ATP13A4: variants seen among roughly 807,000 people sequenced by gnomAD.
The protein encoded by ATP13A4 is ATPase 13A4.
ATP13A4 carries 114 observed loss-of-function variants against 142.5 expected under a neutral mutation model. That is an observed-to-expected ratio of 0.80 (90% CI 0.69 to 0.93). The LOEUF (loss-of-function observed/expected upper bound fraction) is 0.93. Among genes scored for constraint, ATP13A4 ranks in the 40% least tolerant of loss-of-function variants. ATP13A4 has a pLI of 0.00. For missense variants in ATP13A4, 1,392 were observed against 1,454.0 expected (o/e 0.96, Z 0.69); for synonymous variants, 488 against 514.8 (o/e 0.95, Z 0.70).
intron 2 of ATP13A4, among the ~76,000 whole-genome samples, chr3:193,575,186 C>A (rs1449979212): frequency 6.6e-6 from 1 of 152,118 alleles, no homozygotes; most frequent in East Asian, 1.9e-4. Flanking sequence ...GTTAGTCATG[C>A]AGCAATAGAT....
At chr3:193,582,051 C>A (rs2108746817) in intron 1 of ATP13A4, 1 of 149,084 alleles carries the variant, frequency 6.7e-6, no homozygotes, top group South Asian at 2.1e-4. Flanking sequence ...TGCAGATTTT[C>A]TAATTAATTA....
chr3:193,548,019 A>C (rs1371936912), intron 1 of ATP13A4, among the ~76,000 whole-genome samples: 1 of 152,202 alleles, frequency 6.6e-6, no homozygotes, highest in Non-Finnish European at 1.5e-5. Context: ...TGTTGGGTTT[A>C]TACATGAATG....
intron 2 of ATP13A4, among the ~76,000 whole-genome samples, chr3:193,507,914 T>C (rs1223945147): frequency 6.6e-6 from 1 of 152,214 alleles, no homozygotes; most frequent in Non-Finnish European, 1.5e-5. Flanking sequence ...CTGCCTGTTA[T>C]GAATTGAGTT....
intron 1 of ATP13A4, among the ~76,000 whole-genome samples, chr3:193,543,097 G>A (rs982373601): frequency 9.3e-5 from 14 of 150,010 alleles, no homozygotes; most frequent in Non-Finnish European, 2.1e-4. Context: ...GAACCCAGGA[G>A]GCGGAGCTTG....
At position 193,554,844 on chromosome 3, in the gene ATP13A4, G is replaced by A. The variant is rs375957929; in HGVS notation, c.-45C>T. On this transcript the variant is annotated 5_prime_UTR_variant, in exon 1 of 30. Coordinates refer to ENST00000342695, the MANE Select transcript of ATP13A4 (RefSeq NM_032279.4). ...TCCTCCCTGACCTTGTCGTGCAGAC[G>A]CTTCCAGGATGAACTCCAACTCGCC... The A allele has an allele frequency of 3.4e-3, 5,533 of 1,613,548 alleles. 19 individuals carry two copies. The highest frequency in any genetic ancestry group is 4.4e-3 in the Non-Finnish European group (5,147 of 1,179,990).
Position 193,514,864 on chromosome 3 carries a change from A to G in ATP13A4, c.68T>C (p.Phe23Ser). Residue 23 changes from phenylalanine to serine, a missense_variant, in exon 2 of 30, where the codon TTT becomes TCT. Transcript: ENST00000342695. ...CCGGCAGCCTTGAGTCCGATAGCCA[A>G]ATATCTCCTGGGACAGAATCAAAAT... is the stretch of plus-strand genomic sequence containing the variant. ...NEGEENEMEI[F>S]GYRTQGCRKS... 1 of 1,614,112 alleles carries G rather than the reference A, an allele frequency of 6.2e-7. No homozygotes were observed. The highest frequency in any genetic ancestry group is 8.5e-7 in the Non-Finnish European group (1 of 1,179,948).
intron 1 of ATP13A4, among the ~76,000 whole-genome samples, chr3:193,550,364 T>C (rs1723482697): frequency 6.7e-6 from 1 of 150,214 alleles, no homozygotes; most frequent in Non-Finnish European, 1.5e-5. Flanking sequence ...TGGAGTGCAC[T>C]GATATGATCT....
chr3:193,459,906 C>T (rs916916612), intron 13 of ATP13A4, among the ~76,000 whole-genome samples: 6 of 152,224 alleles, frequency 3.9e-5, no homozygotes, highest in African/African-American at 1.2e-4. Context: ...TTCACTAATT[C>T]AGAGTGGAGG....
At chr3:193,511,642 C>T (rs1172177670) in intron 2 of ATP13A4, among the ~76,000 whole-genome samples, 1 of 152,176 alleles carries the variant, frequency 6.6e-6, no homozygotes, top group African/African-American at 2.4e-5. Context: ...TTGCAAATGC[C>T]TTTTACATAG....
At chr3:193,496,362 A>G (rs1214562867) in intron 3 of ATP13A4, among the ~76,000 whole-genome samples, 1 of 152,362 alleles carries the variant, frequency 6.6e-6, no homozygotes, top group East Asian at 1.9e-4. Context: ...TGGTGCTGGC[A>G]GAGAAATAGA....
At chr3:193,463,424 T>TAAA (rs11336311) in intron 12 of ATP13A4, among the ~76,000 whole-genome samples, 16 of 95,980 alleles carry the variant, frequency 1.7e-4, no homozygotes, top group South Asian at 3.5e-4. Context: ...TGCTATTTGG[T>TAAA]AAAAAAAAAA....
intron 9 of ATP13A4, 140 bp downstream of exon 9, chr3:193,470,719 G>A: frequency 5.9e-6 from 7 of 1,191,306 alleles, no homozygotes; most frequent in African/African-American, 1.5e-5. Flanking sequence ...TAAGATTTGT[G>A]GCAACGGGAA....
rs1207289368 is a variant in ATP13A4 at position 193,573,283 on chromosome 3, A to AACG, written n.291+8423_291+8424insCGT. On this transcript the variant is annotated intron_variant and non_coding_transcript_variant, in intron 2 of 3. Transcript: ENST00000489140. ...GCCATATATATATATATACATATATATATATACACATATATATATATATAC... is the reference window on the plus strand; with the variant it reads ...GCCATATATATATATATACATATATAACGTATATACACATATATATATATATAC... Among the ~76,000 whole-genome samples the AACG allele has an allele frequency of 6.1e-3, 579 of 95,520 alleles. 47 individuals carry two copies. Among genetic ancestry groups the AACG allele is most frequent in the African/African-American group, 0.027 (556 of 20,316 alleles). The allele number at this position is 95,520 out of a possible 152,430, so 62.7% of individuals were successfully genotyped here. A position where few individuals can be genotyped will look rare whatever the true frequency, so the allele number is the denominator to read the frequency against.
chr3:193,401,774 G>A lies in ATP13A4; in HGVS notation c.*878C>T, dbSNP rs1310263523. Among the ~76,000 whole-genome samples, 1 of 152,206 alleles carries A rather than the reference G, an allele frequency of 6.6e-6. No individual in the cohort carries two copies. The highest frequency in any genetic ancestry group is 2.4e-5 in the African/African-American group (1 of 41,438). ...GGACCTTCTAAGCATGGGGCCCTGT[G>A]TAGTGACAGCTCATAAGCCCATGAA... On this transcript the variant is annotated 3_prime_UTR_variant, in exon 30 of 30. Coordinates refer to ENST00000342695, the MANE Select transcript of ATP13A4 (RefSeq NM_032279.4).
intron 7 of ATP13A4, among the ~76,000 whole-genome samples, chr3:193,484,413 T>A (rs951531223): frequency 6.6e-6 from 1 of 152,054 alleles, no homozygotes; most frequent in Non-Finnish European, 1.5e-5. Context: ...ATACATGAAA[T>A]ATGTGGGATA....
chr3:193,413,446 G>A (rs1714882343), intron 26 of ATP13A4, among the ~76,000 whole-genome samples: 1 of 152,186 alleles, frequency 6.6e-6, no homozygotes, highest in Non-Finnish European at 1.5e-5. Context: ...ACAACCATAA[G>A]GGCTGACTGC....
At position 193,554,846 on chromosome 3, in the gene ATP13A4, T is replaced by C. The variant is rs1460001452; in HGVS notation, c.-47A>G. ...CTCCCTGACCTTGTCGTGCAGACGC[T>C]TCCAGGATGAACTCCAACTCGCCGA... is the stretch of plus-strand genomic sequence containing the variant. On this transcript the variant is annotated 5_prime_UTR_variant, in exon 1 of 30. Transcript: ENST00000342695. 4 of 1,613,734 alleles carry C rather than the reference T, an allele frequency of 2.5e-6. No individual in the cohort carries two copies. The highest frequency in any genetic ancestry group is 1.7e-4 in the Middle Eastern group (1 of 5,770).
At chr3:193,465,267 A>C in intron 11 of ATP13A4, 139 bp from the exon 12 acceptor site, 1 of 854,904 alleles carries the variant, frequency 1.2e-6, no homozygotes, top group Non-Finnish European at 1.8e-6. Context: ...AGCTCATTGC[A>C]ACCTCCACCT....
At chr3:193,435,127 G>A (rs890280105) in intron 24 of ATP13A4, among the ~76,000 whole-genome samples, 1 of 152,176 alleles carries the variant, frequency 6.6e-6, no homozygotes, top group African/African-American at 2.4e-5. Context: ...TATGGGGCAA[G>A]TATTATAGAA....
Sources: gnomAD v4.1 joint callset for allele counts (sites outside exome capture counted in the v4.1 genomes callset) on GRCh38, gnomAD v4.1.1 for gene constraint, MANE v1.5 for transcripts, NCBI Gene and HGNC (gene_info 2026-07-23, HGNC 2026-07-21) for gene names.